Variants in ITPK1 observed in about 807,000 individuals in gnomAD.
The protein encoded by ITPK1 is inositol 1,3,4-trisphosphate 5/6-kinase.
In ITPK1, 21 loss-of-function variants were observed where a neutral mutation model predicts 45.3. The ratio of observed to expected loss-of-function variants is 0.46; its 90% CI spans 0.33 to 0.67. The LOEUF is 0.67. Ranked by LOEUF, ITPK1 falls within the 30% of genes least tolerant of loss-of-function variation. The pLI is 0.02. For synonymous variants in ITPK1, 258 were observed against 253.6 expected (o/e 1.02, Z -0.16); for missense variants, 474 against 573.5 (o/e 0.83, Z 1.77).
intron 5 of ITPK1, among the ~76,000 whole-genome samples, chr14:92,986,161 G>A (rs1376388101): frequency 6.6e-6 from 1 of 152,226 alleles, no homozygotes; most frequent in Non-Finnish European, 1.5e-5. Context: ...ATGTGGAGAA[G>A]AGCAGTTTTT....
Position 93,034,546 on chromosome 14 carries a change from G to A in ITPK1, c.121-17745C>T, listed in dbSNP as rs892194659. Among the ~76,000 whole-genome samples, 3 of 152,180 alleles carry A rather than the reference G, an allele frequency of 2.0e-5. No homozygotes were observed. The highest frequency in any genetic ancestry group is 4.4e-5 in the Non-Finnish European group (3 of 68,030). Reference sequence around the variant, plus strand: ...TGGCCCCCACTGGGCTGGGAGATCTGTCTGCTCTGCTCCCCACTAGAGGGC... The same window carrying A: ...TGGCCCCCACTGGGCTGGGAGATCTATCTGCTCTGCTCCCCACTAGAGGGC... On this transcript the variant is annotated intron_variant, in intron 3 of 10. Transcript: ENST00000267615. This position sits in a 1 kb window ranked among gnomAD's most constrained non-coding sequence, Gnocchi z 4.1.
intron 2 of ITPK1, among the ~76,000 whole-genome samples, chr14:93,088,853 TCA>T (rs1176824730): frequency 6.6e-6 from 1 of 152,064 alleles, no homozygotes; most frequent in Non-Finnish European, 1.5e-5. Context: ...GACCAAAGAC[TCA>T]CAGCAGGTAA....
chr14:93,108,918 C>T lies in ITPK1; in HGVS notation c.95+6151G>A, dbSNP rs919491267. Among the ~76,000 whole-genome samples the T allele has an allele frequency of 2.0e-5, 3 of 152,212 alleles. No individual in the cohort carries two copies. The East Asian group carries it at 5.8e-4, about 29-fold the overall frequency. Reference sequence around the variant, plus strand: ...GTTCCAGCTACTCGGGAGGCTAAGACAGGAGAATCACTTGAACCCAGGAGG... The same window carrying T: ...GTTCCAGCTACTCGGGAGGCTAAGATAGGAGAATCACTTGAACCCAGGAGG... On this transcript the variant is annotated intron_variant, in intron 2 of 10. Transcript: ENST00000267615.
At chr14:93,088,344 T>TTTTTG (rs1891734033) in intron 2 of ITPK1, among the ~76,000 whole-genome samples, 1 of 146,970 alleles carries the variant, frequency 6.8e-6, no homozygotes, top group African/African-American at 2.6e-5. Flanking sequence ...TTGTTTTGTT[T>TTTTTG]TTTTTTTTTT....
rs544350200 is a variant in ITPK1, at chr14:93,093,277, G to C, written c.96-16658C>G. Among the ~76,000 whole-genome samples, 98 of 152,332 alleles carry C rather than the reference G, an allele frequency of 6.4e-4. 1 individual carries two copies. Among genetic ancestry groups the C allele is most frequent in the African/African-American group, 2.1e-3 (88 of 41,588 alleles). ...CTAGGGCCTCCAAGGGCAGAGATGG[G>C]GTGTGCAGGCTGCCCTGTGGAGCCC... On this transcript the variant is annotated intron_variant, in intron 2 of 10. Transcript: ENST00000267615.
At chr14:93,077,559 C>A (rs1891275186) in intron 2 of ITPK1, among the ~76,000 whole-genome samples, 1 of 152,114 alleles carries the variant, frequency 6.6e-6, no homozygotes. Context: ...CTCAGGTGAT[C>A]CGCCTGCCTC....
intron 4 of ITPK1, among the ~76,000 whole-genome samples, chr14:93,003,244 A>C (rs995641511): frequency 6.6e-6 from 1 of 152,158 alleles, no homozygotes; most frequent in Admixed American, 6.5e-5. Flanking sequence ...GTCAGGTCAC[A>C]TGGGGAGGGG....
chr14:93,053,808 TAG>T (rs1203233907), intron 3 of ITPK1, among the ~76,000 whole-genome samples: 3 of 152,160 alleles, frequency 2.0e-5, no homozygotes, highest in African/African-American at 7.2e-5. Context: ...TGCTCTAAAA[TAG>T]AGTCTATTAA....
At position 92,992,156 on chromosome 14, in the gene ITPK1, G is replaced by A. The variant is rs114751488; in HGVS notation, c.364+1724C>T. Among the ~76,000 whole-genome samples the A allele has an allele frequency of 6.4e-3, 982 of 152,314 alleles. 12 individuals are homozygous for A. Among genetic ancestry groups the A allele is most frequent in the African/African-American group, 0.022 (898 of 41,566 alleles). The stretch of plus-strand genomic sequence containing the variant: ...CATCACTCTTCGAATGGACTTGTCC[G>A]GGACATGAGATGTGGCTGCTGGTCT... On this transcript the variant is annotated intron_variant, in intron 5 of 10. Transcript: ENST00000267615.
In ITPK1 at chr14:93,012,910, G is replaced by A. The variant is rs1203070892; in HGVS notation, c.246+3766C>T. Reference sequence around the variant, plus strand: ...GCACCCCTTCAGGGGCAATTCCAGGGCTAGAAGGGGCAGCAGAAGAGGACG... The same window carrying A: ...GCACCCCTTCAGGGGCAATTCCAGGACTAGAAGGGGCAGCAGAAGAGGACG... On this transcript the variant is annotated intron_variant, in intron 4 of 10. Coordinates refer to ENST00000267615, the MANE Select transcript of ITPK1 (RefSeq NM_014216.6). This position sits in a 1 kb window ranked among gnomAD's most constrained non-coding sequence, Gnocchi z 4.9. Among the ~76,000 whole-genome samples the A allele has an allele frequency of 2.0e-5, 3 of 152,220 alleles. No homozygotes were observed. Among genetic ancestry groups the A allele is most frequent in the African/African-American group, 7.2e-5 (3 of 41,464 alleles).
chr14:93,066,373 G>T, intron 3 of ITPK1: 1 of 405,844 alleles, frequency 2.5e-6, no homozygotes, highest in Admixed American at 3.0e-5. Flanking sequence ...GGAAAGCAGG[G>T]TAGGTGTCAC....
Position 92,948,874 on chromosome 14 carries a change from C to T in ITPK1, c.739-2381G>A, listed in dbSNP as rs557546286. 3.6e-4 allele frequency among the ~76,000 whole-genome samples: 54 copies of T among 152,080 alleles called. No individual in the cohort carries two copies. The South Asian group carries it at 4.4e-3, about 12-fold the overall frequency. On this transcript the variant is annotated intron_variant, in intron 9 of 10. Coordinates refer to ENST00000267615, the MANE Select transcript of ITPK1 (RefSeq NM_014216.6). The stretch of plus-strand genomic sequence containing the variant: ...GGGCGCCGCCCACGCTCCGAGGGAC[C>T]CACACCCGGATATCACCCACGCTCT...
intron 5 of ITPK1, among the ~76,000 whole-genome samples, chr14:92,966,040 G>C (rs992931828): frequency 3.3e-5 from 5 of 152,244 alleles, no homozygotes; most frequent in Non-Finnish European, 7.3e-5. Flanking sequence ...ATTTTAGACA[G>C]GGTCTCACTC....
chr14:93,092,853 C>G (rs1029310856), intron 2 of ITPK1, among the ~76,000 whole-genome samples: 4 of 152,280 alleles, frequency 2.6e-5, no homozygotes, highest in African/African-American at 9.6e-5. Flanking sequence ...CACGGCAGGG[C>G]CCAGGCCAGG....
chr14:92,988,373 T>G (rs753817270), intron 5 of ITPK1, among the ~76,000 whole-genome samples: 1 of 152,204 alleles, frequency 6.6e-6, no homozygotes, highest in African/African-American at 2.4e-5. Context: ...ACTTCCCAGA[T>G]GAGTGAACAA....
intron 8 of ITPK1, among the ~76,000 whole-genome samples, chr14:92,955,159 C>T (rs946012422): frequency 2.6e-5 from 4 of 152,354 alleles, no homozygotes; most frequent in African/African-American, 9.6e-5. Context: ...AGCCCGGCCA[C>T]CTGCACTTGT....
At chr14:93,109,046 T>C (rs1268208436) in intron 2 of ITPK1, among the ~76,000 whole-genome samples, 4 of 152,088 alleles carry the variant, frequency 2.6e-5, no homozygotes, top group African/African-American at 7.2e-5. Context: ...AAAAGTAAAA[T>C]GCCTGTGCCC....
In ITPK1 at chr14:92,938,278, G is replaced by A. The variant is rs1887206575; in HGVS notation, c.*3283C>T. On this transcript the variant is annotated 3_prime_UTR_variant, in exon 11 of 11. Transcript: ENST00000267615. ...CGGCCAGAGTTTCTAGGGAATAGAA[G>A]AGAGGGCAGATACAGACCCCAGGGA... The A allele has an allele frequency of 4.9e-6, 3 of 608,566 alleles. No homozygotes were observed. Among genetic ancestry groups the A allele is most frequent in the Non-Finnish European group, 8.8e-6 (3 of 341,406 alleles). The allele number at this position is 608,566 out of a possible 1,614,324, so 37.7% of individuals were successfully genotyped here.
intron 2 of ITPK1, among the ~76,000 whole-genome samples, chr14:93,101,616 A>G (rs555751193): frequency 2.0e-4 from 31 of 152,222 alleles, no homozygotes; most frequent in Non-Finnish European, 3.7e-4. Flanking sequence ...TGGGAAGCCA[A>G]GCCAAGTGGA....
Sources: allele counts gnomAD v4.1 joint callset (sites outside exome capture counted in the v4.1 genomes callset), GRCh38; gene constraint gnomAD v4.1.1; non-coding constraint Gnocchi (gnomAD v3.1); transcripts MANE v1.5; gene names NCBI Gene and HGNC (gene_info 2026-07-23, HGNC 2026-07-21).